The following DLG2 variants were observed in gnomAD, a reference collection of about 807,000 sequenced individuals.
DLG2 encodes the protein discs large MAGUK scaffold protein 2.
A neutral mutation model predicts 132.5 loss-of-function variants in DLG2; 45 were observed. The ratio of observed to expected loss-of-function variants is 0.34; its 90% CI spans 0.27 to 0.44. The LOEUF is 0.44. Ranked by LOEUF, DLG2 falls within the 20% of genes least tolerant of loss-of-function variation. DLG2 has a pLI of 1.00. For synonymous variants in DLG2, 424 were observed against 419.6 expected (o/e 1.01, Z -0.13); for missense variants, 1,045 against 1,196.9 (o/e 0.87, Z 1.87).
At chr11:84,561,182 C>T (rs1180238930) in intron 6 of DLG2, among the ~76,000 whole-genome samples, 2 of 152,024 alleles carry the variant, frequency 1.3e-5, no homozygotes, top group Non-Finnish European at 2.9e-5. Context: ...CTTTACTGAG[C>T]ATCTATATTC....
intron 6 of DLG2, among the ~76,000 whole-genome samples, chr11:84,767,900 C>A (rs1022605335): frequency 1.3e-4 from 20 of 152,090 alleles, no homozygotes; most frequent in African/African-American, 4.6e-4. Context: ...CTTTGGCCTT[C>A]TCTTAAAACT....
chr11:83,713,790 C>T lies in DLG2; in HGVS notation c.1825+72900G>A, dbSNP rs80154930. ...TGCACCATCTGTAATTCTGCACCTG[C>T]TTCGTCAACTGCTGGCTGCATTTCA... On this transcript the variant is annotated intron_variant, in intron 18 of 27. Transcript: ENST00000376104. Among the ~76,000 whole-genome samples the T allele has an allele frequency of 5.3e-4, 80 of 152,356 alleles. No homozygotes were observed. The East Asian group carries it at 0.013, about 25-fold the overall frequency.
intron 7 of DLG2, among the ~76,000 whole-genome samples, chr11:84,390,390 C>T (rs890709093): frequency 2.6e-5 from 4 of 152,158 alleles, no homozygotes. Flanking sequence ...AGTACCGACT[C>T]CATGCCAGAC....
At chr11:83,616,384 G>C (rs1326807694) in intron 19 of DLG2, among the ~76,000 whole-genome samples, 2 of 152,124 alleles carry the variant, frequency 1.3e-5, no homozygotes, top group Non-Finnish European at 2.9e-5. Context: ...CACTTGGTAT[G>C]AACAGTCTTT....
intron 6 of DLG2, among the ~76,000 whole-genome samples, chr11:84,735,108 T>G (rs747726034): frequency 1.3e-5 from 2 of 152,078 alleles, no homozygotes; most frequent in African/African-American, 2.4e-5. Context: ...TCTTTTTTGA[T>G]TCTGTCTCTG....
At chr11:84,478,396 T>C (rs2099127527) in intron 7 of DLG2, among the ~76,000 whole-genome samples, 1 of 152,184 alleles carries the variant, frequency 6.6e-6, no homozygotes, top group Non-Finnish European at 1.5e-5. Context: ...TTATGCCCTA[T>C]GATAATCCAT....
chr11:83,513,976 T>A (rs1253544830), intron 21 of DLG2, among the ~76,000 whole-genome samples: 3 of 152,216 alleles, frequency 2.0e-5, no homozygotes, highest in Non-Finnish European at 4.4e-5. Context: ...ACCTCCAGCT[T>A]TGTTCTTTTG....
chr11:83,856,172 T>C (rs957164810), intron 16 of DLG2, among the ~76,000 whole-genome samples: 3 of 152,226 alleles, frequency 2.0e-5, no homozygotes, highest in African/African-American at 7.2e-5. Context: ...AATCTCCTTT[T>C]TTTTATGTCT....
At chr11:85,331,037 A>G (rs1272857992) in intron 3 of DLG2, among the ~76,000 whole-genome samples, 2 of 152,194 alleles carry the variant, frequency 1.3e-5, no homozygotes, top group Non-Finnish European at 2.9e-5. Context: ...CATCTGTATT[A>G]AGTTTAAAAT....
At chr11:85,000,435 C>A (rs1434478785) in intron 6 of DLG2, among the ~76,000 whole-genome samples, 2 of 152,136 alleles carry the variant, frequency 1.3e-5, no homozygotes. Context: ...AAATCCTAGC[C>A]TTCCAATTTG....
intron 19 of DLG2, among the ~76,000 whole-genome samples, chr11:83,584,511 G>A (rs2097047050): frequency 6.6e-6 from 1 of 152,132 alleles, no homozygotes; most frequent in South Asian, 2.1e-4. Context: ...GTCATGTACT[G>A]GAATATTAGT....
intron 4 of DLG2, among the ~76,000 whole-genome samples, chr11:85,186,811 C>T (rs755926959): frequency 2.0e-5 from 3 of 152,008 alleles, no homozygotes; most frequent in Non-Finnish European, 4.4e-5. Flanking sequence ...TTCTCAGGCT[C>T]GGGTTTCAAG....
intron 6 of DLG2, among the ~76,000 whole-genome samples, chr11:84,571,622 C>T (rs2099485218): frequency 6.6e-6 from 1 of 152,012 alleles, no homozygotes; most frequent in African/African-American, 2.4e-5. Context: ...TGCCTTTTCC[C>T]TATGAACAAG....
At chr11:83,560,395 G>A (rs2096591155) in intron 19 of DLG2, among the ~76,000 whole-genome samples, 1 of 152,144 alleles carries the variant, frequency 6.6e-6, no homozygotes, top group East Asian at 1.9e-4. Context: ...TGGGATTATA[G>A]GTGTGAGCCA....
chr11:83,861,319 G>A (rs757439666), intron 16 of DLG2, among the ~76,000 whole-genome samples: 8 of 152,106 alleles, frequency 5.3e-5, no homozygotes, highest in South Asian at 2.1e-4. Context: ...GAACAGTTTG[G>A]ATGTTCCTCA....
intron 6 of DLG2, among the ~76,000 whole-genome samples, chr11:85,024,888 C>T (rs1478939853): frequency 6.6e-6 from 1 of 152,060 alleles, no homozygotes; most frequent in African/African-American, 2.4e-5. Flanking sequence ...GGTGGAAGTG[C>T]GTTCTGTCAA....
chr11:84,596,415 G>A (rs537682033), intron 6 of DLG2, among the ~76,000 whole-genome samples: 4 of 149,312 alleles, frequency 2.7e-5, no homozygotes, highest in Middle Eastern at 3.4e-3. Flanking sequence ...TAGAGACGGG[G>A]TTTCGACACG....
intron 12 of DLG2, among the ~76,000 whole-genome samples, chr11:83,975,274 A>G (rs768634623): frequency 2.0e-5 from 3 of 152,052 alleles, no homozygotes; most frequent in Non-Finnish European, 4.4e-5. Flanking sequence ...AGGCCAAGAG[A>G]ATCTATTTCA....
At chr11:84,936,338 A>G (rs541782338) in intron 6 of DLG2, among the ~76,000 whole-genome samples, 1 of 152,294 alleles carries the variant, frequency 6.6e-6, no homozygotes, top group Admixed American at 6.5e-5. Context: ...ATAGGTTAGC[A>G]TAAAAATTGG....
Sources: allele counts gnomAD v4.1 joint callset (sites outside exome capture counted in the v4.1 genomes callset), GRCh38; gene constraint gnomAD v4.1.1; transcripts MANE v1.5; gene names NCBI Gene and HGNC (gene_info 2026-07-23, HGNC 2026-07-21).